OTOGL: variants seen among roughly 807,000 people sequenced by gnomAD.
OTOGL encodes otogelin like, also known as otogelin-like protein.
OTOGL carries 285 observed loss-of-function variants against 318.5 expected under a neutral mutation model. The ratio of observed to expected loss-of-function variants is 0.89; its 90% CI spans 0.81 to 0.99. The LOEUF (loss-of-function observed/expected upper bound fraction) is 0.99, where lower values mean the gene tolerates loss of function less well. OTOGL is among the 50% of genes least tolerant of loss of function. The pLI is 0.00. For synonymous variants in OTOGL, 987 were observed against 936.5 expected, an observed-to-expected ratio of 1.05 and a Z score of -0.99; for missense variants, 2,899 against 2,845.6, an observed-to-expected ratio of 1.02 and a Z score of -0.43.
intron 38 of OTOGL, 46 bp downstream of exon 38, chr12:80,333,124 C>A: frequency 6.7e-7 from 1 of 1,484,394 alleles, no homozygotes; most frequent in Non-Finnish European, 9.2e-7. Context: ...TTCCATATAT[C>A]ATCCATTCAA....
chr12:80,239,019 A>G, intron 10 of OTOGL, 41 bp downstream of exon 10: 1 of 1,559,284 alleles, frequency 6.4e-7, no homozygotes, highest in South Asian at 1.2e-5. Context: ...CAGACAGAAT[A>G]CACATATATC....
intron 29 of OTOGL, among the ~76,000 whole-genome samples, chr12:80,310,126 T>A (rs1886532392): frequency 6.6e-6 from 1 of 152,014 alleles, no homozygotes; most frequent in South Asian, 2.1e-4. Flanking sequence ...GACTGAAAAA[T>A]TGCCTTTATA....
intron 1 of OTOGL, among the ~76,000 whole-genome samples, 192 bp from the exon 2 acceptor site, chr12:80,209,221 A>G (rs982644202): frequency 6.6e-6 from 1 of 152,154 alleles, no homozygotes; most frequent in African/African-American, 2.4e-5. Context: ...ATGCATCACT[A>G]ATGAGAGACT....
intron 1 of OTOGL, among the ~76,000 whole-genome samples, chr12:80,171,234 C>T (rs1229176487): frequency 1.3e-5 from 2 of 151,884 alleles, no homozygotes; most frequent in Non-Finnish European, 2.9e-5. Context: ...CCACCATGCC[C>T]ATCTAAATTT....
In OTOGL at chr12:80,261,977, C is replaced by T; in HGVS notation, c.1898C>T (p.Ser633Leu). Residue 633 changes from serine to leucine, a missense_variant, in exon 19 of 59, where the codon TCA (serine) becomes TTA (leucine). Physicochemically the swap from Ser to Leu is moderately radical, Grantham distance 145 (BLOSUM62 -2). Transcript: ENST00000547103. ...TTGTCTTTGCTTTCTAGTTCTCCAT[C>T]AGGCATGATAGAAGGTACACCACAA... ...GNIRDDFLSPSGMIEGTPQLH... is the reference protein window; with the variant it reads ...GNIRDDFLSPLGMIEGTPQLH... The T allele has an allele frequency of 6.2e-7, 1 of 1,610,902 alleles. No homozygotes were observed. The highest frequency in any genetic ancestry group is 2.2e-5 in the East Asian group (1 of 44,758).
At chr12:80,286,541 C>A (rs1459937506) in intron 26 of OTOGL, among the ~76,000 whole-genome samples, 4 of 152,132 alleles carry the variant, frequency 2.6e-5, no homozygotes, top group Admixed American at 2.6e-4. Flanking sequence ...ATTACTGCCT[C>A]AATTTCAGAA....
At chr12:80,126,623 T>C (rs1030075800) in intron 1 of OTOGL, among the ~76,000 whole-genome samples, 1 of 152,214 alleles carries the variant, frequency 6.6e-6, no homozygotes, top group East Asian at 1.9e-4. Context: ...TTGATCTGTC[T>C]AATATTGACA....
chr12:80,356,887 G>A lies in OTOGL; in HGVS notation c.5992G>A (p.Glu1998Lys). The stretch of plus-strand genomic sequence containing the variant: ...ATTCATGATTCAAGTTCGACAGGAA[G>A]AACCTTGTTGTTTTTCCCCTTTTTG... ...DQFMIQVRQE[E>K]PCCFSPFCVC... The change falls in exon 49 of 59, where the codon GAA becomes AAA. Residue 1998 changes from glutamate (E) to lysine (K), a missense_variant. This residue lies in a region of OTOGL where 2,607 missense variants were observed against 2,524.9 expected (regional missense o/e 1.03). Transcript: ENST00000547103. 6 of 1,592,856 alleles carry A rather than the reference G, an allele frequency of 3.8e-6. No individual in the cohort carries two copies. Among genetic ancestry groups the A allele is most frequent in the Non-Finnish European group, 5.1e-6 (6 of 1,169,496 alleles).
At chr12:80,279,404 T>C (rs1250643855) in intron 26 of OTOGL, among the ~76,000 whole-genome samples, 19 of 151,446 alleles carry the variant, frequency 1.3e-4, no homozygotes, top group Admixed American at 1.3e-3. Flanking sequence ...GGTAGTAGCA[T>C]AGTACCCAAT....
chr12:80,335,806 T>C (rs1167364547), intron 38 of OTOGL, among the ~76,000 whole-genome samples, 157 bp from the exon 39 acceptor site: 2 of 152,150 alleles, frequency 1.3e-5, no homozygotes, highest in East Asian at 3.8e-4. Flanking sequence ...AAAGGGTACA[T>C]CAATAAAAAG....
rs370566645 is a variant in OTOGL at position 80,257,806 on chromosome 12, G to A, written c.1712-19G>A. On this transcript the variant is annotated intron_variant, in intron 17 of 58. Coordinates refer to ENST00000547103, the MANE Select transcript of OTOGL (RefSeq NM_001378609.3). ...TCTATGAATGTCAAAGCTGATTTAC[G>A]TATGTTCTTTTCCTGCAGGTATTGT... The A allele has an allele frequency of 1.8e-5, 27 of 1,541,474 alleles. No homozygotes were observed. The highest frequency in any genetic ancestry group is 1.2e-4 in the South Asian group (10 of 83,386).
intron 27 of OTOGL, among the ~76,000 whole-genome samples, chr12:80,297,343 T>C (rs4627142): frequency 0.35 from 53,160 of 149,820 alleles, 10,131 homozygotes; most frequent in African/African-American, 0.46. Flanking sequence ...TTTTTTTTTT[T>C]TTTTTTGAGA....
chr12:80,256,973 TGC>T (rs1882107443), intron 17 of OTOGL, among the ~76,000 whole-genome samples: 1 of 152,060 alleles, frequency 6.6e-6, no homozygotes, highest in Non-Finnish European at 1.5e-5. Flanking sequence ...AAATTGGTTT[TGC>T]TACAGCAGAG....
chr12:80,259,644 G>A (rs1047131453), intron 18 of OTOGL, among the ~76,000 whole-genome samples: 4 of 151,830 alleles, frequency 2.6e-5, no homozygotes, highest in African/African-American at 9.7e-5. Context: ...TTGGTTTTCC[G>A]TTCCTGTTAT....
At chr12:80,305,250 C>T (rs1886031424) in intron 28 of OTOGL, among the ~76,000 whole-genome samples, 2 of 152,092 alleles carry the variant, frequency 1.3e-5, no homozygotes, top group African/African-American at 4.8e-5. Flanking sequence ...CATTTGCATA[C>T]ACATACACTC....
At chr12:80,325,056 T>C (rs574610780) in intron 35 of OTOGL, among the ~76,000 whole-genome samples, 1 of 152,090 alleles carries the variant, frequency 6.6e-6, no homozygotes, top group East Asian at 1.9e-4. Context: ...AATATAAGAA[T>C]TTTCCATAAA....
At chr12:80,210,779 A>G (rs988181669) in intron 2 of OTOGL, 68 bp from the exon 3 acceptor site, 3 of 1,099,088 alleles carry the variant, frequency 2.7e-6, no homozygotes, top group African/African-American at 3.3e-5. Flanking sequence ...GTTCTTTTAA[A>G]CAACTGGAAC....
At chr12:80,257,169 A>T (rs1456767653) in intron 17 of OTOGL, among the ~76,000 whole-genome samples, 2 of 152,118 alleles carry the variant, frequency 1.3e-5, no homozygotes, top group Non-Finnish European at 2.9e-5. Flanking sequence ...CACGCTACAC[A>T]GGTGTCAGGC....
At chr12:80,177,002 G>A (rs1874575453) in intron 1 of OTOGL, among the ~76,000 whole-genome samples, 1 of 151,518 alleles carries the variant, frequency 6.6e-6, no homozygotes, top group African/African-American at 2.4e-5. Flanking sequence ...ATCTTCTTTT[G>A]TTTTTCCTAT....
Sources: allele counts gnomAD v4.1 joint callset (sites outside exome capture counted in the v4.1 genomes callset), GRCh38; gene constraint gnomAD v4.1.1; regional missense constraint gnomAD v4.1.1; transcripts MANE v1.5; gene names NCBI Gene and HGNC (gene_info 2026-07-23, HGNC 2026-07-21).